The following AFF3 variants were observed in gnomAD, a reference collection of about 807,000 sequenced individuals.
AFF3 encodes the protein AF4/FMR2 family member 3.
A neutral mutation model predicts 129.7 loss-of-function variants in AFF3; 32 were observed. The observed-to-expected ratio is 0.25, with a 90% CI of 0.19 to 0.33. AFF3 has a LOEUF of 0.33. Among genes scored for constraint, AFF3 ranks in the 10% least tolerant of loss-of-function variants. The pLI is 1.00. For synonymous variants in AFF3, 644 were observed against 635.4 expected, an observed-to-expected ratio of 1.01 and a Z score of -0.20; for missense variants, 1,373 against 1,592.0, an observed-to-expected ratio of 0.86 and a Z score of 2.34.
intron 7 of AFF3, among the ~76,000 whole-genome samples, chr2:99,910,481 C>G (rs1292998561): frequency 6.6e-6 from 1 of 152,188 alleles, no homozygotes; most frequent in East Asian, 1.9e-4. Flanking sequence ...ACTGCATGTG[C>G]AAAGGTATGC....
intron 7 of AFF3, among the ~76,000 whole-genome samples, chr2:99,889,660 A>T (rs1693395117): frequency 6.6e-6 from 1 of 152,038 alleles, no homozygotes; most frequent in African/African-American, 2.4e-5. Context: ...GAGCCCTGAA[A>T]CTTAAGCTGT....
rs748336673 is a variant in AFF3, at chr2:100,140,708, A to C, written c.-228+1776T>G. The stretch of plus-strand genomic sequence containing the variant: ...GTGCCTATTTCCTGGTTTGCTGTAC[A>C]AGATGTGTATGAGTACATGTCATCA... On this transcript the variant is annotated intron_variant, in intron 1 of 24. Transcript: ENST00000672756. 2.6e-5 allele frequency among the ~76,000 whole-genome samples: 4 copies of C among 152,280 alleles called. No homozygotes were observed. The East Asian group carries it at 7.7e-4, about 29-fold the overall frequency.
At chr2:99,740,622 T>C (rs1680644198) in intron 10 of AFF3, among the ~76,000 whole-genome samples, 1 of 152,032 alleles carries the variant, frequency 6.6e-6, no homozygotes, top group Admixed American at 6.6e-5. Context: ...TTTTGAGAAG[T>C]GTCTGTTCAT....
chr2:99,846,637 C>T (rs957095497), intron 7 of AFF3, among the ~76,000 whole-genome samples: 1 of 152,230 alleles, frequency 6.6e-6, no homozygotes, highest in Admixed American at 6.5e-5. Context: ...TCCTACTTAG[C>T]ACCACTCTAA....
chr2:99,784,461 C>T (rs1684638552), intron 8 of AFF3, among the ~76,000 whole-genome samples: 1 of 152,162 alleles, frequency 6.6e-6, no homozygotes, highest in Non-Finnish European at 1.5e-5. Flanking sequence ...GGTACAAGGC[C>T]TTGGAGTTAG....
At chr2:99,555,574 G>T (rs1184064802) in intron 22 of AFF3, among the ~76,000 whole-genome samples, 4 of 152,210 alleles carry the variant, frequency 2.6e-5, no homozygotes, top group Non-Finnish European at 5.9e-5. Flanking sequence ...TTTGCCTCTA[G>T]TTAGGGAAGT....
intron 8 of AFF3, among the ~76,000 whole-genome samples, chr2:99,835,202 G>T (rs1239830805): frequency 6.6e-6 from 1 of 152,066 alleles, no homozygotes; most frequent in East Asian, 1.9e-4. Context: ...AGCCAGAGTG[G>T]TGCATTTAAA....
At chr2:99,591,351 T>G (rs931778970) in intron 15 of AFF3, among the ~76,000 whole-genome samples, 1 of 152,118 alleles carries the variant, frequency 6.6e-6, no homozygotes, top group Non-Finnish European at 1.5e-5. Flanking sequence ...CATGTCTGGC[T>G]AATTTTTTGT....
rs574539526 is a variant in AFF3, at chr2:99,668,334, A to C, written c.1143+4204T>G. On this transcript the variant is annotated intron_variant, in intron 12 of 24. Transcript: ENST00000672756. ...TTACACGTGCACACCACTATGCCCA[A>C]CTAATTTTTGTATTTTTAGTAGAGA... 4.0e-5 allele frequency among the ~76,000 whole-genome samples: 6 copies of C among 151,802 alleles called. No individual in the cohort carries two copies. In the East Asian group the frequency reaches 9.9e-4, roughly 25 times the overall value.
At chr2:100,135,620 T>C (rs751412567) in intron 1 of AFF3, among the ~76,000 whole-genome samples, 17 of 152,174 alleles carry the variant, frequency 1.1e-4, no homozygotes, top group Non-Finnish European at 2.2e-4. Flanking sequence ...AATACCCAGA[T>C]TCATGACCCA....
chr2:100,111,830 C>T (rs978520634), intron 2 of AFF3, among the ~76,000 whole-genome samples: 1 of 152,206 alleles, frequency 6.6e-6, no homozygotes, highest in African/African-American at 2.4e-5. Flanking sequence ...CATCAAGTCT[C>T]TCTCTAGCTA....
chr2:100,049,616 A>T (rs1046532487), intron 4 of AFF3, among the ~76,000 whole-genome samples: 2 of 152,208 alleles, frequency 1.3e-5, no homozygotes, highest in African/African-American at 4.8e-5. Flanking sequence ...AACTGTAGTG[A>T]CCTCAAAGAG....
At chr2:99,750,533 TC>T (rs1681556766) in intron 9 of AFF3, among the ~76,000 whole-genome samples, 1 of 150,430 alleles carries the variant, frequency 6.6e-6, no homozygotes, top group African/African-American at 2.4e-5. Flanking sequence ...TCCTGCTACC[TC>T]AGCGTCCCAA....
At chr2:100,123,162 T>G (rs1463036710) in intron 2 of AFF3, among the ~76,000 whole-genome samples, 2 of 152,230 alleles carry the variant, frequency 1.3e-5, no homozygotes, top group African/African-American at 4.8e-5. Flanking sequence ...TGCAAAAATG[T>G]CTACCATTTG....
intron 7 of AFF3, among the ~76,000 whole-genome samples, chr2:99,994,271 T>A (rs1680635892): frequency 6.6e-6 from 1 of 152,220 alleles, no homozygotes; most frequent in South Asian, 2.1e-4. Flanking sequence ...GAACGAATGA[T>A]CTATAAGAGC....
intron 7 of AFF3, among the ~76,000 whole-genome samples, chr2:99,889,736 G>A (rs972305454): frequency 3.9e-5 from 6 of 152,278 alleles, no homozygotes; most frequent in East Asian, 1.9e-4. Flanking sequence ...TCAGCTCACC[G>A]CAACCTCTGC....
chr2:100,051,850 C>A (rs1686362388), intron 4 of AFF3, among the ~76,000 whole-genome samples: 1 of 152,220 alleles, frequency 6.6e-6, no homozygotes, highest in Non-Finnish European at 1.5e-5. Flanking sequence ...AGATTACAAT[C>A]TTTCCAACAC....
chr2:100,042,496 A>T (rs575105877), intron 4 of AFF3, among the ~76,000 whole-genome samples: 1 of 152,232 alleles, frequency 6.6e-6, no homozygotes, highest in Non-Finnish European at 1.5e-5. Flanking sequence ...CATTTGTTAC[A>T]CAGATGAATG....
chr2:99,676,695 T>G (rs548034064), intron 11 of AFF3, among the ~76,000 whole-genome samples: 3 of 152,236 alleles, frequency 2.0e-5, no homozygotes, highest in Non-Finnish European at 4.4e-5. Flanking sequence ...AATGATGCCT[T>G]AAAACAGGGC....
Sources: gnomAD v4.1 joint callset for allele counts (sites outside exome capture counted in the v4.1 genomes callset) on GRCh38, gnomAD v4.1.1 for gene constraint, MANE v1.5 for transcripts, NCBI Gene and HGNC (gene_info 2026-07-23, HGNC 2026-07-21) for gene names.